Variants in TBC1D16 observed in about 807,000 individuals in gnomAD.
TBC1D16 encodes the protein CTD-2529O21.1.
TBC1D16 carries 58 observed loss-of-function variants against 74.7 expected under a neutral mutation model. That is an observed-to-expected ratio of 0.78 (90% CI 0.63 to 0.97). The LOEUF is 0.97. Among genes scored for constraint, TBC1D16 ranks in the 50% least tolerant of loss-of-function variants. The pLI is 0.00. For missense variants in TBC1D16, 1,014 were observed against 1,079.5 expected (o/e 0.94, Z 0.85); for synonymous variants, 493 against 474.7 (o/e 1.04, Z -0.50).
At chr17:79,982,609 T>C (rs971620592) in intron 3 of TBC1D16, among the ~76,000 whole-genome samples, 7 of 151,360 alleles carry the variant, frequency 4.6e-5, no homozygotes, top group Non-Finnish European at 8.9e-5. Flanking sequence ...TCCCAGCACT[T>C]TGGGAGGCTG....
In TBC1D16 at chr17:79,988,518, C is replaced by T. The variant is rs1488574645; in HGVS notation, c.779+21642G>A. ...TAAGACCATGGCTGAAAGTCAAACGCGCCCAGAGTCCACAGTCGACCACCT... is the reference window on the plus strand; with the variant it reads ...TAAGACCATGGCTGAAAGTCAAACGTGCCCAGAGTCCACAGTCGACCACCT... On this transcript the variant is annotated intron_variant, in intron 3 of 11. Coordinates refer to ENST00000310924, the MANE Select transcript of TBC1D16 (RefSeq NM_019020.4). This position sits in a 1 kb window ranked among gnomAD's most constrained non-coding sequence, Gnocchi z 5.7. 2.6e-5 allele frequency among the ~76,000 whole-genome samples: 4 copies of T among 152,258 alleles called. No homozygotes were observed. The highest frequency in any genetic ancestry group is 6.5e-5 in the Admixed American group (1 of 15,288).
Position 80,001,792 on chromosome 17 carries a change from T to C in TBC1D16, c.779+8368A>G, listed in dbSNP as rs550174441. On this transcript the variant is annotated intron_variant, in intron 3 of 11. Transcript: ENST00000310924. This position sits in a 1 kb window ranked among gnomAD's most constrained non-coding sequence, Gnocchi z 5.8. Reference sequence around the variant, plus strand: ...CGGCCCACCCTCCCCACTCACCCCTTGCCCCCTTCCCTGCTGTCTCTTGCC... The same window carrying C: ...CGGCCCACCCTCCCCACTCACCCCTCGCCCCCTTCCCTGCTGTCTCTTGCC... 2.0e-5 allele frequency among the ~76,000 whole-genome samples: 3 copies of C among 151,166 alleles called. No homozygotes were observed. The highest frequency in any genetic ancestry group is 6.6e-5 in the Admixed American group (1 of 15,216).
intron 3 of TBC1D16, among the ~76,000 whole-genome samples, chr17:79,991,645 G>A (rs1320126650): frequency 6.6e-6 from 1 of 151,088 alleles, no homozygotes; most frequent in Admixed American, 6.6e-5. Flanking sequence ...AGGCAAGAGG[G>A]AGGTCAGGTG....
At chr17:80,021,984 C>G (rs905702555) in intron 1 of TBC1D16, among the ~76,000 whole-genome samples, 5 of 149,396 alleles carry the variant, frequency 3.3e-5, no homozygotes, top group Non-Finnish European at 7.4e-5. Flanking sequence ...ATTTATATTA[C>G]CTATTTTGAC....
At chr17:79,999,194 T>G (rs1237562745) in intron 3 of TBC1D16, among the ~76,000 whole-genome samples, 2 of 151,484 alleles carry the variant, frequency 1.3e-5, no homozygotes, top group Non-Finnish European at 2.9e-5. Context: ...AGGTGGAGGT[T>G]GCAGTGAGCC....
At chr17:79,958,216 A>ATT (rs557536242) in intron 3 of TBC1D16, among the ~76,000 whole-genome samples, 22,443 of 137,268 alleles carry the variant, frequency 0.16, 1,939 homozygotes, top group South Asian at 0.23. Context: ...AAACTGACCA[A>ATT]TTTTTTTTTT....
intron 3 of TBC1D16, chr17:79,992,001 C>G (rs1056692995): frequency 6.6e-6 from 1 of 152,282 alleles, no homozygotes; most frequent in Non-Finnish European, 1.5e-5. Context: ...GTGGCCCCCC[C>G]ATCCTCGCCG....
rs886177408 is a variant in TBC1D16, at chr17:79,933,670, C to G, written c.*7189G>C. On this transcript the variant is annotated 3_prime_UTR_variant, in exon 12 of 12. Coordinates refer to ENST00000310924, the MANE Select transcript of TBC1D16 (RefSeq NM_019020.4). ...GGAGAAGGAGGGCAGCCAAAGGCCACGCAGAAATTGGGGGTTCAAGGTTTG... is the reference window on the plus strand; with the variant it reads ...GGAGAAGGAGGGCAGCCAAAGGCCAGGCAGAAATTGGGGGTTCAAGGTTTG... The G allele has an allele frequency of 6.6e-6, 1 of 152,222 alleles. No homozygotes were observed. Among genetic ancestry groups the G allele is most frequent in the African/African-American group, 2.4e-5 (1 of 41,432 alleles). The allele number at this position is 152,222 out of a possible 1,614,324, so 9.4% of individuals were successfully genotyped here. A position where few individuals can be genotyped will look rare whatever the true frequency, so the allele number is the denominator to read the frequency against.
intron 4 of TBC1D16, 61 bp from the exon 5 acceptor site, chr17:79,951,658 A>T: frequency 6.4e-7 from 1 of 1,572,270 alleles, no homozygotes; most frequent in Non-Finnish European, 8.6e-7. Flanking sequence ...CGGGGGTTTT[A>T]TTTCCAAGTA....
Position 79,954,158 on chromosome 17 carries a change from C to T in TBC1D16, c.780-1340G>A, listed in dbSNP as rs62076649. On this transcript the variant is annotated intron_variant, in intron 3 of 11. Transcript: ENST00000310924. The surrounding 1 kb of genome is among the most constrained non-coding windows in gnomAD (Gnocchi z 5.5). Reference sequence around the variant, plus strand: ...CAGCTCTGGACCCCAACTGCAGCACCCCACAGAGACTCAGCCGCATTCACC... The same window carrying T: ...CAGCTCTGGACCCCAACTGCAGCACTCCACAGAGACTCAGCCGCATTCACC... 0.047 allele frequency among the ~76,000 whole-genome samples: 7,201 copies of T among 152,294 alleles called. 221 individuals are homozygous for T. The highest frequency in any genetic ancestry group is 0.074 in the Non-Finnish European group (5,011 of 68,028).
chr17:79,954,817 A>G lies in TBC1D16; in HGVS notation c.780-1999T>C, dbSNP rs2033259333. 6.6e-6 allele frequency among the ~76,000 whole-genome samples: 1 copy of G among 151,826 alleles called. No homozygotes were observed. The highest frequency in any genetic ancestry group is 1.5e-5 in the Non-Finnish European group (1 of 67,934). Reference sequence around the variant, plus strand: ...GGTATCCTTTCCCGCCTCCTCCCCCAGCCTTCTTACCACACCCAACAGCAG... The same window carrying G: ...GGTATCCTTTCCCGCCTCCTCCCCCGGCCTTCTTACCACACCCAACAGCAG... On this transcript the variant is annotated intron_variant, in intron 3 of 11. Transcript: ENST00000310924. The surrounding 1 kb of genome is among the most constrained non-coding windows in gnomAD (Gnocchi z 5.5).
intron 7 of TBC1D16, among the ~76,000 whole-genome samples, chr17:79,949,272 C>T (rs536103536): frequency 3.3e-5 from 5 of 152,380 alleles, no homozygotes; most frequent in Admixed American, 3.3e-4. Context: ...GAGGCCTTGG[C>T]CCTGGCCCAG....
chr17:79,981,479 A>C lies in TBC1D16; in HGVS notation c.780-28661T>G, dbSNP rs537563541. Among the ~76,000 whole-genome samples, 1 of 152,310 alleles carries C rather than the reference A, an allele frequency of 6.6e-6. No homozygotes were observed. Among genetic ancestry groups the C allele is most frequent in the Admixed American group, 6.5e-5 (1 of 15,296 alleles). ...GCCAGGGAAGCTCTGGGTGCCCCCG[A>C]CAAGTTTAACCCCTTCCTTCTTTGG... On this transcript the variant is annotated intron_variant, in intron 3 of 11. Coordinates refer to ENST00000310924, the MANE Select transcript of TBC1D16 (RefSeq NM_019020.4). This position sits in a 1 kb window ranked among gnomAD's most constrained non-coding sequence, Gnocchi z 6.9.
At chr17:80,022,089 T>C (rs571677207) in intron 1 of TBC1D16, among the ~76,000 whole-genome samples, 1 of 149,920 alleles carries the variant, frequency 6.7e-6, no homozygotes, top group Non-Finnish European at 1.5e-5. Context: ...CTTTCCAAGC[T>C]AAAGATCGTT....
chr17:79,992,585 C>T lies in TBC1D16; in HGVS notation c.779+17575G>A, dbSNP rs985588993. Among the ~76,000 whole-genome samples the T allele has an allele frequency of 3.9e-5, 6 of 152,352 alleles. No individual in the cohort carries two copies. The South Asian group carries it at 1.2e-3, about 32-fold the overall frequency. ...CCTTTACAATCTACTGGAGTCTGCC[C>T]TAACCGCCAGTCCGAGGCTCCCAGG... On this transcript the variant is annotated intron_variant, in intron 3 of 11. Transcript: ENST00000310924.
chr17:79,962,502 C>G (rs1330724142), intron 3 of TBC1D16, among the ~76,000 whole-genome samples: 5 of 151,888 alleles, frequency 3.3e-5, no homozygotes, highest in Non-Finnish European at 7.4e-5. Context: ...TGTGACCCAC[C>G]ACACCCGGCC....
chr17:79,973,986 C>G (rs546325611), intron 3 of TBC1D16, among the ~76,000 whole-genome samples: 1 of 152,292 alleles, frequency 6.6e-6, no homozygotes, highest in South Asian at 2.1e-4. Flanking sequence ...TCCGCCTTCT[C>G]GCTAAAAGGA....
At chr17:79,996,780 G>A (rs766321840) in intron 3 of TBC1D16, among the ~76,000 whole-genome samples, 5 of 151,918 alleles carry the variant, frequency 3.3e-5, no homozygotes, top group East Asian at 1.9e-4. Context: ...CATATGACTC[G>A]GCAAGTGCAT....
At position 79,999,113 on chromosome 17, in the gene TBC1D16, G is replaced by A. The variant is rs182480036; in HGVS notation, c.779+11047C>T. On this transcript the variant is annotated intron_variant, in intron 3 of 11. Transcript: ENST00000310924. The stretch of plus-strand genomic sequence containing the variant: ...TCTAGTAAAAATACAAAAATTAGCC[G>A]TGTGTGGTGGTGGGCACCTGTAGTC... Among the ~76,000 whole-genome samples the A allele has an allele frequency of 1.9e-3, 286 of 152,122 alleles. 1 individual carries two copies. The highest frequency in any genetic ancestry group is 6.4e-3 in the African/African-American group (267 of 41,508).
Sources: gnomAD v4.1 joint callset for allele counts (sites outside exome capture counted in the v4.1 genomes callset) on GRCh38, gnomAD v4.1.1 for gene constraint, Gnocchi (gnomAD v3.1) non-coding constraint, MANE v1.5 for transcripts, NCBI Gene and HGNC (gene_info 2026-07-23, HGNC 2026-07-21) for gene names.